Variants in TSPEAR observed in about 807,000 individuals in gnomAD.
TSPEAR encodes the protein thrombospondin type laminin G domain and EAR repeats.
A neutral mutation model predicts 71.6 loss-of-function variants in TSPEAR; 69 were observed. The ratio of observed to expected loss-of-function variants is 0.96; its 90% CI spans 0.79 to 1.18. The LOEUF is 1.18. TSPEAR is among the 50% of genes most tolerant of loss of function. The pLI, the probability that TSPEAR is intolerant of heterozygous loss-of-function variation, is 0.00. For missense variants in TSPEAR, 971 were observed against 894.9 expected (o/e 1.09, Z -1.09); for synonymous variants, 402 against 387.2 (o/e 1.04, Z -0.45).
chr21:44,501,529 G>A (rs1039113516), intron 11 of TSPEAR, among the ~76,000 whole-genome samples: 9 of 152,154 alleles, frequency 5.9e-5, no homozygotes, highest in Non-Finnish European at 1.5e-5. Flanking sequence ...CCCAGGAGGC[G>A]GAGCTTGCAG....
intron 2 of TSPEAR, among the ~76,000 whole-genome samples, chr21:44,538,222 C>T (rs914738587): frequency 1.3e-5 from 2 of 152,186 alleles, no homozygotes; most frequent in African/African-American, 4.8e-5. Flanking sequence ...TGCACCCACC[C>T]AGGGTGGCGG....
chr21:44,633,824 T>C (rs1224728420), intron 1 of TSPEAR, among the ~76,000 whole-genome samples: 2 of 152,254 alleles, frequency 1.3e-5, no homozygotes, highest in Admixed American at 6.5e-5. Flanking sequence ...AAGTGACTTA[T>C]TGAAGTCTTC....
intron 2 of TSPEAR, among the ~76,000 whole-genome samples, chr21:44,541,469 G>A (rs1440717159): frequency 6.6e-6 from 1 of 152,200 alleles, no homozygotes; most frequent in Non-Finnish European, 1.5e-5. Context: ...GGGGCCGGGA[G>A]GTATCAAGAC....
chr21:44,526,493 CAA>C (rs74818663), intron 7 of TSPEAR, among the ~76,000 whole-genome samples: 6 of 138,424 alleles, frequency 4.3e-5, no homozygotes, highest in Non-Finnish European at 3.2e-5. Flanking sequence ...TGTCATCAAT[CAA>C]AAAAAAAAAA....
At chr21:44,591,630 C>T in intron 1 of TSPEAR, 1 of 1,613,774 alleles carries the variant, frequency 6.2e-7, no homozygotes, top group African/African-American at 1.3e-5. Flanking sequence ...GGCAGCTAGA[C>T]TGCTGGCAGC....
At chr21:44,694,569 A>C (rs1187413667) in intron 1 of TSPEAR, among the ~76,000 whole-genome samples, 1 of 152,250 alleles carries the variant, frequency 6.6e-6, no homozygotes, top group East Asian at 1.9e-4. Context: ...GGTAAATTTT[A>C]TGCTATGTAT....
At chr21:44,547,387 T>C (rs1196360606) in intron 2 of TSPEAR, among the ~76,000 whole-genome samples, 1 of 152,212 alleles carries the variant, frequency 6.6e-6, no homozygotes, top group African/African-American at 2.4e-5. Context: ...AATTCTGGGC[T>C]TCCTCAGGAA....
At chr21:44,512,119 G>A (rs368634257) in intron 9 of TSPEAR, among the ~76,000 whole-genome samples, 11 of 152,366 alleles carry the variant, frequency 7.2e-5, no homozygotes, top group East Asian at 1.9e-4. Context: ...ACAGGACTGA[G>A]GGAGCCAGGA....
At chr21:44,550,904 G>C in intron 2 of TSPEAR, 1 of 1,466,540 alleles carries the variant, frequency 6.8e-7, no homozygotes, top group Non-Finnish European at 9.2e-7. Context: ...TGCAGCAGAC[G>C]GACACACAGC....
intron 9 of TSPEAR, among the ~76,000 whole-genome samples, chr21:44,513,023 A>G (rs1195914754): frequency 2.0e-5 from 3 of 152,220 alleles, no homozygotes; most frequent in African/African-American, 4.8e-5. Flanking sequence ...TAAATTTCAG[A>G]CAACGAATGA....
chr21:44,564,717 G>A (rs587744501), intron 2 of TSPEAR, among the ~76,000 whole-genome samples: 15 of 152,162 alleles, frequency 9.9e-5, no homozygotes, highest in East Asian at 7.7e-4. Flanking sequence ...TTCAACAAAC[G>A]GATAGAATAA....
rs797028758 is a variant in TSPEAR, at chr21:44,567,790, G to A, written c.298C>T (p.Pro100Ser). 5 of 1,566,942 alleles carry A rather than the reference G, an allele frequency of 3.2e-6. No individual in the cohort carries two copies. In the Admixed American group the frequency reaches 5.6e-5, roughly 18 times the overall value. ...GTGCAGAAAGTGCCACTGACCTTGG[G>A]TGGAAGATTGGGAACTCTCAAAGTT... is the stretch of plus-strand genomic sequence containing the variant. ...VVTLRVPNLP[P>S]KRNEYLLTVV... Residue 100 changes from proline to serine, a missense_variant, in exon 2 of 12, where the codon CCC (proline) becomes TCC (serine). Pro to Ser is a moderately conservative substitution (Grantham distance 74). Transcript: ENST00000323084.
chr21:44,638,848 T>A (rs1377875708), intron 1 of TSPEAR, among the ~76,000 whole-genome samples: 1 of 151,694 alleles, frequency 6.6e-6, no homozygotes, highest in Non-Finnish European at 1.5e-5. Flanking sequence ...AGGCCTGGGG[T>A]AGACCACCTG....
chr21:44,678,173 G>A lies in TSPEAR; in HGVS notation c.82+33260C>T. 6.0e-6 allele frequency: 3 copies of A among 496,988 alleles called. No individual in the cohort carries two copies. The South Asian group carries it at 7.0e-5, about 12-fold the overall frequency. The allele number at this position is 496,988 out of a possible 1,614,324, so 30.8% of individuals were successfully genotyped here. On this transcript the variant is annotated intron_variant, in intron 1 of 11. Transcript: ENST00000323084. Reference sequence around the variant, plus strand: ...AGGCATGTGTACATATGTCAAGGATGCCTATTTTTATCACTCCTATTGATA... The same window carrying A: ...AGGCATGTGTACATATGTCAAGGATACCTATTTTTATCACTCCTATTGATA...
Position 44,646,469 on chromosome 21 carries a change from C to T in TSPEAR, c.82+64964G>A, listed in dbSNP as rs782115050. 1.9e-6 allele frequency: 3 copies of T among 1,611,808 alleles called. No homozygotes were observed. In the South Asian group the frequency reaches 3.3e-5, roughly 18 times the overall value. On this transcript the variant is annotated intron_variant, in intron 1 of 11. Transcript: ENST00000323084. ...CCTCCCCACCCCAGCATGGCCGCGT[C>T]CACCATGTCTGTCTGCTCCAGCGCT... is the stretch of plus-strand genomic sequence containing the variant.
At chr21:44,671,598 A>C (rs1257697002) in intron 1 of TSPEAR, among the ~76,000 whole-genome samples, 1 of 152,220 alleles carries the variant, frequency 6.6e-6, no homozygotes, top group South Asian at 2.1e-4. Context: ...GATGCTGTTC[A>C]CAGCCAAAGA....
At chr21:44,664,032 C>T (rs1474975947) in intron 1 of TSPEAR, among the ~76,000 whole-genome samples, 1 of 152,104 alleles carries the variant, frequency 6.6e-6, no homozygotes, top group African/African-American at 2.4e-5. Context: ...ATGCTTTCCC[C>T]TTAAAATCAA....
chr21:44,538,286 A>C (rs1408714509), intron 2 of TSPEAR, among the ~76,000 whole-genome samples: 1 of 152,130 alleles, frequency 6.6e-6, no homozygotes, highest in Non-Finnish European at 1.5e-5. Flanking sequence ...CCTTTCCCAC[A>C]GGACATCACA....
intron 9 of TSPEAR, among the ~76,000 whole-genome samples, chr21:44,514,990 G>A (rs376348236): frequency 1.2e-4 from 19 of 152,094 alleles, no homozygotes; most frequent in African/African-American, 3.6e-4. Flanking sequence ...GGGAGAAAGT[G>A]AGGTCTGTGT....
Sources: gnomAD v4.1 joint callset for allele counts (sites outside exome capture counted in the v4.1 genomes callset) on GRCh38, gnomAD v4.1.1 for gene constraint, MANE v1.5 for transcripts, NCBI Gene and HGNC (gene_info 2026-07-23, HGNC 2026-07-21) for gene names.